The following PLEC variants were observed in gnomAD, a reference collection of about 807,000 sequenced individuals.
PLEC encodes hemidesmosomal protein 1.
In PLEC, 216 loss-of-function variants were observed where a neutral mutation model predicts 392.8. The observed-to-expected ratio is 0.55, with a 90% CI of 0.49 to 0.62. The LOEUF (loss-of-function observed/expected upper bound fraction) is 0.62. PLEC is among the 20% of genes least tolerant of loss of function. The pLI is 0.00. For synonymous variants in PLEC, 3,621 were observed against 2,980.6 expected, an observed-to-expected ratio of 1.21 and a Z score of -7.00; for missense variants, 6,863 against 6,563.4, an observed-to-expected ratio of 1.05 and a Z score of -1.58.
rs1554717120 is a variant in PLEC, at chr8:143,932,497, T to C, written c.1880A>G (p.Lys627Arg). The C allele has an allele frequency of 6.2e-7, 1 of 1,611,486 alleles. No homozygotes were observed. The highest frequency in any genetic ancestry group is 1.3e-5 in the African/African-American group (1 of 74,916). The change falls in exon 16 of 32, where the codon AAG (lysine) becomes AGG (arginine). Residue 627 changes from lysine to arginine, a missense_variant. By Grantham distance (26) the Lys-to-Arg change is conservative. Transcript: ENST00000345136. Reference sequence around the variant, plus strand: ...CTTCTCATTCAGCCACATTAGCTCCTTAGTGGCGGCTGCCACAAAGCTGTG... The same window carrying C: ...CTTCTCATTCAGCCACATTAGCTCCCTAGTGGCGGCTGCCACAAAGCTGTG... ...SLHSFVAAAT[K>R]ELMWLNEKEE...
intron 1 of PLEC, among the ~76,000 whole-genome samples, chr8:143,967,537 C>T (rs898735558): frequency 1.3e-5 from 2 of 152,042 alleles, no homozygotes; most frequent in African/African-American, 4.8e-5. Context: ...AAGTTTACGC[C>T]GAATACAAGT....
At chr8:143,922,445 T>A in intron 31 of PLEC, 50 bp from the exon 32 acceptor site, 1 of 1,600,784 alleles carries the variant, frequency 6.2e-7, no homozygotes, top group Non-Finnish European at 8.5e-7. Context: ...GGAGCACCCA[T>A]CACCCACCAA....
intron 5 of PLEC, 30 bp downstream of exon 5, chr8:143,936,949 G>C (rs1554723830): frequency 2.6e-6 from 4 of 1,531,622 alleles, no homozygotes; most frequent in South Asian, 2.2e-5. Context: ...CTCCTGCAGG[G>C]GGTGGGGGTC....
In PLEC at chr8:143,950,395, G is replaced by A. The variant is rs199886941; in HGVS notation, c.312C>T (p.Val104=). 2.5e-4 allele frequency: 394 copies of A among 1,604,042 alleles called. 3 individuals are homozygous for A. In the East Asian group the frequency reaches 8.2e-3, roughly 33 times the overall value. The change falls in exon 1 of 32, where the codon GTC becomes GTT. Residue 104 remains valine, a synonymous_variant. Coordinates refer to the PLEC transcript ENST00000322810. ...TGCGGCGTGCGGGCATCACCATGGC[G>A]ACGGGGCGGCGCACGCGCTGCAGAG...
rs1554680911 is a variant in PLEC, at chr8:143,920,174, G to C, written c.9647C>G (p.Ala3216Gly). The C allele has an allele frequency of 6.2e-7, 1 of 1,612,248 alleles. No homozygotes were observed. The highest frequency in any genetic ancestry group is 1.1e-5 in the South Asian group (1 of 91,086). The change falls in exon 32 of 32, where the codon GCT becomes GGT. Residue 3216 changes from alanine to glycine, a missense_variant. Ala to Gly is a moderately conservative substitution (Grantham distance 60). Transcript: ENST00000345136. ...GLSLLPLSEK[A>G]ARARQEELYS... Reference sequence around the variant, plus strand: ...GAGCTCCTCCTGCCGGGCCCGAGCAGCCTTTTCTGAGAGCGGCAGCAGGCT... The same window carrying C: ...GAGCTCCTCCTGCCGGGCCCGAGCACCCTTTTCTGAGAGCGGCAGCAGGCT...
chr8:143,919,411 G>A lies in PLEC; in HGVS notation c.10410C>T (p.Ala3470=), dbSNP rs1821754250. 5 of 1,613,312 alleles carry A rather than the reference G, an allele frequency of 3.1e-6. No homozygotes were observed. The African/African-American group carries it at 5.3e-5, about 17-fold the overall frequency. Residue 3470 remains alanine (A), a synonymous_variant, in exon 32 of 32, where the codon GCC becomes GCT. Coordinates refer to ENST00000345136, the MANE Select transcript of PLEC (RefSeq NM_201384.3). ...GCACGGGGTCGATGATGCCGCCCGT[G>A]GCGATCTGGGCCTCCAGCAGGCGGA... ...HGIRLLEAQI[A]TGGIIDPVHS... is the part of the protein sequence containing the mutation.
Position 143,924,220 on chromosome 8 carries a change from G to A in PLEC, c.5709C>T (p.Asp1903=). Residue 1903 remains aspartate, a synonymous_variant, in exon 31 of 32, where the codon GAC becomes GAT. Transcript: ENST00000345136. ...GCCCCTTCTGCCGCTCCAGCTCGCT[G>A]TCCGATGCCTTGCGCAGCTGGGCCA... ...ERLAQLRKAS[D]SELERQKGLV... 1 of 1,598,564 alleles carries A rather than the reference G, an allele frequency of 6.3e-7. No individual in the cohort carries two copies. Among genetic ancestry groups the A allele is most frequent in the Non-Finnish European group, 8.5e-7 (1 of 1,179,450 alleles).
At chr8:143,943,732 C>T (rs781823756), upstream of PLEC, 5 of 1,555,524 alleles carry the variant, frequency 3.2e-6, no homozygotes, top group South Asian at 1.1e-5. Context: ...AGGCAGGCGG[C>T]CCCTCTGCCC....
chr8:143,919,132 T>C lies in PLEC; in HGVS notation c.10689A>G (p.Thr3563=). Reference sequence around the variant, plus strand: ...TCTGTGTCTCTTCAAATGCCCTTCTTGTCTCCTCCTCAGTGTACACCTGCG... The same window carrying C: ...TCTGTGTCTCTTCAAATGCCCTTCTCGTCTCCTCCTCAGTGTACACCTGCG... ...ETTQVYTEEE[T]RRAFEETQID... is the part of the protein sequence containing the mutation. Residue 3563 remains threonine (T), a synonymous_variant, in exon 32 of 32, where the codon ACA becomes ACG. Transcript: ENST00000345136. 1.9e-6 allele frequency: 3 copies of C among 1,613,292 alleles called. No homozygotes were observed. The highest frequency in any genetic ancestry group is 4.5e-5 in the East Asian group (2 of 44,864).
chr8:143,917,323 C>G lies in PLEC; in HGVS notation c.12498G>C (p.Gln4166His), dbSNP rs782017847. ...CCTGCTCGGACAGCTCCAGGTACGT[C>G]TGGTGGTCAATCAGGCCCTTGCGGT... is the stretch of plus-strand genomic sequence containing the variant. ...EAYRKGLIDH[Q>H]TYLELSEQEC... The change falls in exon 32 of 32, where the codon CAG (glutamine) becomes CAC (histidine). Residue 4166 changes from glutamine to histidine, a missense_variant. Transcript: ENST00000345136. 17 of 1,609,768 alleles carry G rather than the reference C, an allele frequency of 1.1e-5. 1 individual carries two copies. The South Asian group carries it at 1.6e-4, about 16-fold the overall frequency.
Position 143,918,808 on chromosome 8 carries a change from C to T in PLEC, c.11013G>A (p.Arg3671=), listed in dbSNP as rs1407917530. The change falls in exon 32 of 32, where the codon AGG becomes AGA. Residue 3671 remains arginine (R), a synonymous_variant. Coordinates refer to ENST00000345136, the MANE Select transcript of PLEC (RefSeq NM_201384.3). ...ETYNLLREGT[R]SLREALEAES... Reference sequence around the variant, plus strand: ...CCGCCTCGAGAGCCTCACGGAGGCTCCTGGTGCCCTCCCGGAGCAGGTTGT... The same window carrying T: ...CCGCCTCGAGAGCCTCACGGAGGCTTCTGGTGCCCTCCCGGAGCAGGTTGT... The T allele has an allele frequency of 1.2e-6, 2 of 1,613,078 alleles. No homozygotes were observed. The highest frequency in any genetic ancestry group is 2.2e-5 in the East Asian group (1 of 44,880).
At chr8:143,928,670 G>A (rs542604674) in intron 25 of PLEC, among the ~76,000 whole-genome samples, 3 of 152,138 alleles carry the variant, frequency 2.0e-5, no homozygotes, top group Admixed American at 2.0e-4. Flanking sequence ...TAGACAGCGG[G>A]TGGACCTGTG....
At chr8:143,932,588 A>C in intron 15 of PLEC, 27 bp from the exon 16 acceptor site, 1 of 1,612,272 alleles carries the variant, frequency 6.2e-7, no homozygotes, top group Non-Finnish European at 8.5e-7. Flanking sequence ...GCGTGTCAGC[A>C]GGCCGCGGGC....
At chr8:143,943,193 T>TCC (rs1479748201), upstream of PLEC, among the ~76,000 whole-genome samples, 11 of 152,130 alleles carry the variant, frequency 7.2e-5, no homozygotes, top group Admixed American at 1.3e-4. Context: ...GCCAGCCAGG[T>TCC]CCCCGATAGG....
chr8:143,925,038 G>C lies in PLEC; in HGVS notation c.4891C>G (p.Leu1631Val). Residue 1631 changes from leucine to valine, a missense_variant, in exon 31 of 32, where the codon CTG becomes GTG. Physicochemically the swap from Leu to Val is conservative, Grantham distance 32. Coordinates refer to ENST00000345136, the MANE Select transcript of PLEC (RefSeq NM_201384.3). Reference protein sequence around the residue: ...ERAREEAERELERWQLKANEA... With the variant: ...ERAREEAEREVERWQLKANEA... ...TTGGCCTTGAGCTGCCAGCGCTCCAGCTCCCGCTCTGCCTCCTCGCGCGCC... is the reference window on the plus strand; with the variant it reads ...TTGGCCTTGAGCTGCCAGCGCTCCACCTCCCGCTCTGCCTCCTCGCGCGCC... 2 of 1,559,478 alleles carry C rather than the reference G, an allele frequency of 1.3e-6. No homozygotes were observed. Among genetic ancestry groups the C allele is most frequent in the Non-Finnish European group, 1.7e-6 (2 of 1,160,230 alleles).
At position 143,916,562 on chromosome 8, in the gene PLEC, C is replaced by T. The variant is rs782580027; in HGVS notation, c.13259G>A (p.Arg4420His). ...CACGTCACGCAGCTTCTGTGCGGTG[C>T]GGGCGTCCACCGTGCCGCGCTGCAG... Reference protein sequence around the residue: ...EALQRGTVDARTAQKLRDVGA... With the variant: ...EALQRGTVDAHTAQKLRDVGA... The change falls in exon 32 of 32, where the codon CGC (arginine) becomes CAC (histidine). Residue 4420 changes from arginine (R) to histidine (H), a missense_variant. Transcript: ENST00000345136. 28 of 1,611,562 alleles carry T rather than the reference C, an allele frequency of 1.7e-5. No homozygotes were observed. The highest frequency in any genetic ancestry group is 2.2e-5 in the East Asian group (1 of 44,840).
In PLEC at chr8:143,938,712, C is replaced by A. The variant is rs781992619; in HGVS notation, c.113-20G>T. ...GCTCATCTGGGGGAGACAAGACCAG[C>A]TTACCTGGGGCCTGGGAGAAGCCCC... On this transcript the variant is annotated intron_variant, in intron 1 of 31. Transcript: ENST00000345136. 6.2e-7 allele frequency: 1 copy of A among 1,612,888 alleles called. No homozygotes were observed. The highest frequency in any genetic ancestry group is 8.5e-7 in the Non-Finnish European group (1 of 1,179,252).
rs782761129 is a variant in PLEC at position 143,939,342 on chromosome 8, C to T, written c.112+8G>A. 6.2e-6 allele frequency: 10 copies of T among 1,609,714 alleles called. No homozygotes were observed. The highest frequency in any genetic ancestry group is 1.7e-5 in the Admixed American group (1 of 59,684). On this transcript the variant is annotated splice_region_variant and intron_variant, in intron 1 of 31. Transcript: ENST00000345136. ...CCTGGCGGGGGTGCCCGAGGGGAGC[C>T]CTGCTACCTTTCTTGCCCTCAGAGG...
rs369993622 is a variant in PLEC at position 143,935,138 on chromosome 8, G to A, written c.719-21C>T. The A allele has an allele frequency of 1.4e-5, 23 of 1,612,364 alleles. No homozygotes were observed. The African/African-American group carries it at 2.4e-4, about 17-fold the overall frequency. On this transcript the variant is annotated intron_variant, in intron 7 of 31. Coordinates refer to ENST00000345136, the MANE Select transcript of PLEC (RefSeq NM_201384.3). Reference sequence around the variant, plus strand: ...CACGTCTGCAGGGAAGGGCAGCTCAGCGGTGGCTCTGGGGCAGGCAGCAGG... The same window carrying A: ...CACGTCTGCAGGGAAGGGCAGCTCAACGGTGGCTCTGGGGCAGGCAGCAGG...
Sources: gnomAD v4.1 joint callset for allele counts (sites outside exome capture counted in the v4.1 genomes callset) on GRCh38, gnomAD v4.1.1 for gene constraint, MANE v1.5 for transcripts, NCBI Gene and HGNC (gene_info 2026-07-23, HGNC 2026-07-21) for gene names.